Variants in PCDH15 observed in about 807,000 individuals in gnomAD.
PCDH15 encodes protocadherin related 15.
Under a neutral mutation model 178.5 loss-of-function variants are expected in PCDH15, and 129 were observed. That is an observed-to-expected ratio of 0.72 (90% CI 0.63 to 0.84). PCDH15 has a LOEUF of 0.84. PCDH15 is among the 40% of genes least tolerant of loss of function. The probability of loss-of-function intolerance (pLI) is 0.00; values close to 1 mark genes in which losing one functional copy is unlikely to be tolerated. For synonymous variants in PCDH15, 800 were observed against 732.0 expected, an observed-to-expected ratio of 1.09 and a Z score of -1.50; for missense variants, 2,230 against 2,099.9, an observed-to-expected ratio of 1.06 and a Z score of -1.21.
intron 2 of PCDH15, among the ~76,000 whole-genome samples, chr10:55,054,397 T>C (rs1412270446): frequency 6.6e-6 from 1 of 152,218 alleles, no homozygotes; most frequent in African/African-American, 2.4e-5. Context: ...ATAGTGTATA[T>C]GTACCATATT....
chr10:54,319,860 A>T (rs2061489569), intron 7 of PCDH15, among the ~76,000 whole-genome samples: 1 of 152,052 alleles, frequency 6.6e-6, no homozygotes, highest in Non-Finnish European at 1.5e-5. Context: ...CTGGTTGCTC[A>T]TAAAAACTTG....
intron 2 of PCDH15, among the ~76,000 whole-genome samples, chr10:55,128,295 G>A (rs1837955396): frequency 6.6e-6 from 1 of 151,478 alleles, no homozygotes; most frequent in South Asian, 2.1e-4. Context: ...TAACTCAACA[G>A]TACAATGGCC....
At chr10:54,078,846 A>G (rs1449633286) in intron 17 of PCDH15, among the ~76,000 whole-genome samples, 2 of 152,268 alleles carry the variant, frequency 1.3e-5, no homozygotes, top group Admixed American at 6.5e-5. Flanking sequence ...TAGATAACCA[A>G]GAATTACTTA....
intron 2 of PCDH15, among the ~76,000 whole-genome samples, chr10:55,626,615 T>C (rs1418768227): frequency 1.3e-5 from 2 of 152,224 alleles, no homozygotes; most frequent in Admixed American, 6.5e-5. Flanking sequence ...AATTGTAATA[T>C]TGATTTTTAA....
intron 7 of PCDH15, among the ~76,000 whole-genome samples, chr10:54,324,865 G>A (rs555327364): frequency 6.6e-6 from 1 of 151,938 alleles, no homozygotes; most frequent in Non-Finnish European, 1.5e-5. Flanking sequence ...ATTTCACTCA[G>A]GATAACAATA....
chr10:55,625,539 T>C (rs1480249020), intron 2 of PCDH15, among the ~76,000 whole-genome samples: 1 of 152,166 alleles, frequency 6.6e-6, no homozygotes, highest in Non-Finnish European at 1.5e-5. Flanking sequence ...GTTGTAAATC[T>C]CAATTGTTAA....
At chr10:54,352,451 C>T (rs1158651102) in intron 5 of PCDH15, among the ~76,000 whole-genome samples, 1 of 152,092 alleles carries the variant, frequency 6.6e-6, no homozygotes, top group African/African-American at 2.4e-5. Context: ...TTTTCCCATG[C>T]TTCCTCAAGA....
chr10:55,548,434 T>C (rs1469052358), intron 2 of PCDH15, among the ~76,000 whole-genome samples: 2 of 152,046 alleles, frequency 1.3e-5, no homozygotes, highest in African/African-American at 4.8e-5. Context: ...TGGAAAGCAA[T>C]GCAGAGCTAT....
chr10:54,414,484 T>A (rs966828645), intron 3 of PCDH15, among the ~76,000 whole-genome samples: 7 of 152,036 alleles, frequency 4.6e-5, no homozygotes, highest in Non-Finnish European at 1.0e-4. Flanking sequence ...AGAACAGAAG[T>A]AGGTATACAA....
chr10:55,544,139 C>CATACATATATATATATAT (rs1200067998), intron 2 of PCDH15, among the ~76,000 whole-genome samples: 13 of 54,318 alleles, frequency 2.4e-4, no homozygotes, highest in Non-Finnish European at 4.5e-4. Context: ...CTTATACATA[C>CATACATATATATATATAT]ATATATATAT....
At chr10:54,583,497 GA>G (rs2091218147) in intron 2 of PCDH15, among the ~76,000 whole-genome samples, 1 of 151,988 alleles carries the variant, frequency 6.6e-6, no homozygotes, top group African/African-American at 2.4e-5. Flanking sequence ...TAAGGAGAGA[GA>G]TATGCTAGTA....
At chr10:54,815,922 C>A (rs1305181424) in intron 3 of PCDH15, among the ~76,000 whole-genome samples, 1 of 152,036 alleles carries the variant, frequency 6.6e-6, no homozygotes. Flanking sequence ...CTCTATAATA[C>A]ATATAACATG....
chr10:54,346,285 A>C, intron 6 of PCDH15, 80 bp downstream of exon 6: 1 of 1,357,200 alleles, frequency 7.4e-7, no homozygotes, highest in Non-Finnish European at 1.0e-6. Flanking sequence ...GTTACTGAAT[A>C]ATACAATAAC....
chr10:55,049,601 TATAAC>T (rs1160654620), intron 2 of PCDH15, among the ~76,000 whole-genome samples: 1 of 152,000 alleles, frequency 6.6e-6, no homozygotes, highest in Non-Finnish European at 1.5e-5. Flanking sequence ...TTATTGAACA[TATAAC>T]TAAGTATTAG....
intron 18 of PCDH15, among the ~76,000 whole-genome samples, chr10:54,049,575 GA>G (rs748738433): frequency 2.2e-4 from 34 of 152,020 alleles, no homozygotes; most frequent in Non-Finnish European, 3.4e-4. Context: ...TTTTTATCAT[GA>G]GGAAATATTG....
intron 20 of PCDH15, among the ~76,000 whole-genome samples, chr10:54,010,122 C>T (rs1049914678): frequency 3.3e-5 from 5 of 152,162 alleles, no homozygotes; most frequent in African/African-American, 1.2e-4. Flanking sequence ...GACGGAGCTC[C>T]CAGAGGGAGA....
intron 3 of PCDH15, among the ~76,000 whole-genome samples, chr10:54,395,244 A>G (rs1308143346): frequency 6.6e-6 from 1 of 152,168 alleles, no homozygotes; most frequent in Non-Finnish European, 1.5e-5. Context: ...ATAAGAAATT[A>G]TAAAAGTATT....
chr10:55,346,939 G>C (rs1267828627), intron 2 of PCDH15, among the ~76,000 whole-genome samples: 1 of 152,044 alleles, frequency 6.6e-6, no homozygotes, highest in Non-Finnish European at 1.5e-5. Context: ...AGTGAGTTGG[G>C]CGCGGTGACT....
chr10:55,523,132 G>A (rs1051211435), intron 2 of PCDH15, among the ~76,000 whole-genome samples: 2 of 151,026 alleles, frequency 1.3e-5, no homozygotes, highest in Non-Finnish European at 3.0e-5. Flanking sequence ...GGATCCATTA[G>A]CTTCATGAAT....
Sources: allele counts gnomAD v4.1 joint callset (sites outside exome capture counted in the v4.1 genomes callset), GRCh38; gene constraint gnomAD v4.1.1; transcripts MANE v1.5; gene names NCBI Gene and HGNC (gene_info 2026-07-23, HGNC 2026-07-21).